ATL1: variants seen among roughly 807,000 people sequenced by gnomAD.
ATL1 encodes atlastin GTPase 1.
In ATL1, 31 loss-of-function variants were observed where a neutral mutation model predicts 75.5. The observed-to-expected ratio is 0.41, with a 90% confidence interval of 0.31 to 0.55. The LOEUF (loss-of-function observed/expected upper bound fraction) is 0.55. Among genes scored for constraint, ATL1 ranks in the 20% least tolerant of loss-of-function variants. The pLI is 0.27. For missense variants in ATL1, 405 were observed against 662.6 expected (o/e 0.61, Z 4.27); for synonymous variants, 226 against 233.3 (o/e 0.97, Z 0.28).
intron 1 of ATL1, among the ~76,000 whole-genome samples, chr14:50,574,937 G>GTGTGTATATATA (rs1475087119): frequency 1.3e-4 from 3 of 23,156 alleles, no homozygotes; most frequent in Non-Finnish European, 2.3e-4. Context: ...GTGTGTGTGT[G>GTGTGTATATATA]TATATATATA....
At chr14:50,566,315 C>G (rs1219953771) in intron 1 of ATL1, among the ~76,000 whole-genome samples, 2 of 152,084 alleles carry the variant, frequency 1.3e-5, no homozygotes, top group Non-Finnish European at 2.9e-5. Flanking sequence ...CCTGTTCTTA[C>G]CCTCTCCAAA....
chr14:50,542,426 A>G lies in ATL1; in HGVS notation c.-140+9059A>G, dbSNP rs111748553. Reference sequence around the variant, plus strand: ...GTATACCTGTGTAACAAACCTGCACATTCTGTACAGGTATCCCAGAACTTA... The same window carrying G: ...GTATACCTGTGTAACAAACCTGCACGTTCTGTACAGGTATCCCAGAACTTA... On this transcript the variant is annotated intron_variant, in intron 1 of 13. Coordinates refer to the ATL1 transcript ENST00000441560. 3.0e-4 allele frequency: 45 copies of G among 152,272 alleles called. 2 individuals carry two copies. Among genetic ancestry groups the G allele is most frequent in the Admixed American group, 2.4e-3 (36 of 15,300 alleles). 9.4% of individuals were successfully genotyped at this position (152,272 alleles called of 1,614,324 possible). A position where few individuals can be genotyped will look rare whatever the true frequency, so the allele number is the denominator to read the frequency against.
upstream of ATL1, chr14:50,559,790 A>G (rs1412920854): frequency 6.3e-6 from 1 of 159,410 alleles, no homozygotes; most frequent in Non-Finnish European, 1.4e-5. Context: ...TATTTTAGCT[A>G]CTTTGGCTAT....
At chr14:50,622,589 C>G (rs1017772066) in intron 10 of ATL1, among the ~76,000 whole-genome samples, 3 of 152,044 alleles carry the variant, frequency 2.0e-5, no homozygotes, top group African/African-American at 7.2e-5. Flanking sequence ...TTGCTTGAAC[C>G]CAGGAGATGG....
intron 1 of ATL1, among the ~76,000 whole-genome samples, chr14:50,536,359 C>T (rs2038492196): frequency 6.6e-6 from 1 of 151,614 alleles, no homozygotes; most frequent in Non-Finnish European, 1.5e-5. Flanking sequence ...TCGCTTGAAC[C>T]CAGGAAGTAG....
intron 1 of ATL1, among the ~76,000 whole-genome samples, chr14:50,546,425 TG>T (rs1479315516): frequency 6.6e-6 from 1 of 152,150 alleles, no homozygotes; most frequent in Non-Finnish European, 1.5e-5. Context: ...TTTATATGTA[TG>T]TACATGTGTT....
intron 1 of ATL1, among the ~76,000 whole-genome samples, chr14:50,540,283 G>A (rs984419640): frequency 1.6e-4 from 24 of 152,276 alleles, no homozygotes; most frequent in African/African-American, 5.5e-4. Context: ...AACCATCAGC[G>A]TACTTAAGTG....
chr14:50,536,948 A>G (rs949440041), intron 1 of ATL1, among the ~76,000 whole-genome samples: 1 of 152,230 alleles, frequency 6.6e-6, no homozygotes, highest in Non-Finnish European at 1.5e-5. Context: ...AGAAAATCCC[A>G]TTTTCTGAGG....
Position 50,588,075 on chromosome 14 carries a change from C to G in ATL1, c.279C>G (p.Asn93Lys). 1 of 1,614,146 alleles carries G rather than the reference C, an allele frequency of 6.2e-7. No homozygotes were observed. Among genetic ancestry groups the G allele is most frequent in the African/African-American group, 1.3e-5 (1 of 75,032 alleles). The change falls in exon 2 of 14, where the codon AAC becomes AAG. Residue 93 changes from asparagine (N) to lysine (K), a missense_variant. By Grantham distance (94) the Asn-to-Lys change is moderately conservative (BLOSUM62 0). This residue lies in a region of ATL1 where 126 missense variants were observed against 172.0 expected (regional missense o/e 0.73). Transcript: ENST00000358385. ...ACTTCATGTTGAGATACATGTACAA[C>G]CAGGTATGCAGGAAGTACTTTAAAA... is the stretch of plus-strand genomic sequence containing the variant. ...LMDFMLRYMYNQESVDWVGDY... is the reference protein window; with the variant it reads ...LMDFMLRYMYKQESVDWVGDY...
At position 50,628,412 on chromosome 14, in the gene ATL1, C is replaced by G. The variant is rs1316385532; in HGVS notation, c.1501C>G (p.Arg501Gly). Residue 501 changes from arginine to glycine, a missense_variant, in exon 12 of 14, where the codon CGA becomes GGA. Arg to Gly is a moderately radical substitution (Grantham distance 125). Transcript: ENST00000358385. ...ATATATCCGGTACTCTGGAGAATACCGAGAGCTGGGAGCTGTAATAGACCA... is the reference window on the plus strand; with the variant it reads ...ATATATCCGGTACTCTGGAGAATACGGAGAGCTGGGAGCTGTAATAGACCA... ...WAYIRYSGEY[R>G]ELGAVIDQVA... 5 of 1,613,924 alleles carry G rather than the reference C, an allele frequency of 3.1e-6. No homozygotes were observed. The Admixed American group carries it at 8.3e-5, about 27-fold the overall frequency.
At chr14:50,574,249 C>T (rs747303464) in intron 1 of ATL1, among the ~76,000 whole-genome samples, 3 of 152,166 alleles carry the variant, frequency 2.0e-5, no homozygotes, top group Non-Finnish European at 4.4e-5. Context: ...TGCTGCAAGT[C>T]TCATGGCTGC....
chr14:50,628,278 T>G lies in ATL1; in HGVS notation c.1367T>G (p.Phe456Cys). 6.2e-7 allele frequency: 1 copy of G among 1,614,242 alleles called. No homozygotes were observed. Among genetic ancestry groups the G allele is most frequent in the Non-Finnish European group, 8.5e-7 (1 of 1,180,048 alleles). ...CCAGCCACACTGTTTGTAGTCATCT[T>G]TATCACATATGTGATTGCTGGTGTG... ...RTPATLFVVI[F>C]ITYVIAGVTG... The change falls in exon 12 of 14, where the codon TTT becomes TGT. Residue 456 changes from phenylalanine (F) to cysteine (C), a missense_variant. By Grantham distance (205) the Phe-to-Cys change is radical. Transcript: ENST00000358385.
rs996306004 is a variant in ATL1 at position 50,591,720 on chromosome 14, A to C, written c.522+81A>C. The stretch of plus-strand genomic sequence containing the variant: ...GTGTTTCTACATACATGTTATAATT[A>C]GATAAACAACAGAAATTGGGAATCA... On this transcript the variant is annotated intron_variant, in intron 4 of 13. Coordinates refer to ENST00000358385, the MANE Select transcript of ATL1 (RefSeq NM_015915.5). The C allele has an allele frequency of 7.0e-6, 7 of 994,798 alleles. No homozygotes were observed. The African/African-American group carries it at 1.1e-4, about 16-fold the overall frequency. The allele number at this position is 994,798 out of a possible 1,614,324, so 61.6% of individuals were successfully genotyped here. A position where few individuals can be genotyped will look rare whatever the true frequency, so the allele number is the denominator to read the frequency against.
intron 3 of ATL1, 26 bp downstream of exon 3, chr14:50,591,101 A>T: frequency 6.2e-7 from 1 of 1,609,010 alleles, no homozygotes; most frequent in Non-Finnish European, 8.5e-7. Context: ...CCTAAATAAA[A>T]TTGAGTTTTC....
chr14:50,593,441 T>G (rs755462573), intron 4 of ATL1, among the ~76,000 whole-genome samples: 4 of 152,180 alleles, frequency 2.6e-5, no homozygotes, highest in South Asian at 2.1e-4. Flanking sequence ...AAACTCTGTA[T>G]AGACATAAAT....
At chr14:50,624,940 C>T (rs2039502530) in intron 11 of ATL1, among the ~76,000 whole-genome samples, 1 of 149,760 alleles carries the variant, frequency 6.7e-6, no homozygotes, top group South Asian at 2.1e-4. Flanking sequence ...CATGGTGGCA[C>T]ATGCCCATAG....
chr14:50,579,803 C>A (rs1017110775), intron 1 of ATL1, among the ~76,000 whole-genome samples: 5 of 152,106 alleles, frequency 3.3e-5, no homozygotes, highest in Admixed American at 6.5e-5. Flanking sequence ...CATTGTGAGA[C>A]TAAAGTGGGC....
chr14:50,565,468 G>A (rs2038894603), intron 1 of ATL1, among the ~76,000 whole-genome samples: 1 of 120,900 alleles, frequency 8.3e-6, no homozygotes, highest in Non-Finnish European at 1.8e-5. Context: ...CTGGGTGGCA[G>A]AATGAGACTT....
At chr14:50,582,354 G>C (rs73291713) in intron 1 of ATL1, among the ~76,000 whole-genome samples, 4,932 of 151,344 alleles carry the variant, frequency 0.033, 256 homozygotes, top group African/African-American at 0.11. Context: ...TTACAGGTGA[G>C]TTCTATCAAA....
Sources: allele counts gnomAD v4.1 joint callset (sites outside exome capture counted in the v4.1 genomes callset), GRCh38; gene constraint gnomAD v4.1.1; regional missense constraint gnomAD v4.1.1; transcripts MANE v1.5; gene names NCBI Gene and HGNC (gene_info 2026-07-23, HGNC 2026-07-21).